Variants in CDKAL1 observed in about 807,000 individuals in gnomAD.
CDKAL1 encodes the protein threonylcarbamoyladenosine tRNA methylthiotransferase.
A neutral mutation model predicts 68.2 loss-of-function variants in CDKAL1; 32 were observed. That is an observed-to-expected ratio of 0.47 (90% CI 0.35 to 0.63). The LOEUF is 0.63. CDKAL1 is among the 30% of genes least tolerant of loss of function. CDKAL1 has a pLI of 0.00. For synonymous variants in CDKAL1, 234 were observed against 244.3 expected, an observed-to-expected ratio of 0.96 and a Z score of 0.39; for missense variants, 606 against 696.7, an observed-to-expected ratio of 0.87 and a Z score of 1.47.
At chr6:21,151,987 C>T (rs995661432) in intron 13 of CDKAL1, among the ~76,000 whole-genome samples, 5 of 152,170 alleles carry the variant, frequency 3.3e-5, no homozygotes, top group Non-Finnish European at 7.3e-5. Context: ...ATCCTTACTC[C>T]TACTGAGTAT....
intron 13 of CDKAL1, among the ~76,000 whole-genome samples, chr6:21,188,126 TA>T (rs1174353914): frequency 6.6e-6 from 1 of 152,244 alleles, no homozygotes; most frequent in Non-Finnish European, 1.5e-5. Context: ...CTTCATATTA[TA>T]TAACCTATAA....
At chr6:20,606,530 T>C (rs1264327813) in intron 4 of CDKAL1, among the ~76,000 whole-genome samples, 1 of 152,176 alleles carries the variant, frequency 6.6e-6, no homozygotes, top group Non-Finnish European at 1.5e-5. Context: ...ACCAAAAGAA[T>C]CATTTTTAAA....
At chr6:20,566,933 A>G (rs1261240925) in intron 4 of CDKAL1, among the ~76,000 whole-genome samples, 1 of 152,146 alleles carries the variant, frequency 6.6e-6, no homozygotes, top group Non-Finnish European at 1.5e-5. Flanking sequence ...CATCTTTATT[A>G]TCTTTCCTCA....
chr6:20,813,228 A>G (rs796704396), intron 8 of CDKAL1, among the ~76,000 whole-genome samples: 13 of 152,226 alleles, frequency 8.5e-5, no homozygotes, highest in African/African-American at 3.1e-4. Context: ...TTACACAGCC[A>G]TGGGCCATGG....
intron 12 of CDKAL1, among the ~76,000 whole-genome samples, chr6:21,073,149 G>GC (rs1293641075): frequency 6.6e-6 from 1 of 152,068 alleles, no homozygotes; most frequent in African/African-American, 2.4e-5. Flanking sequence ...TCTTTTCACG[G>GC]CCTGATAGCT....
chr6:20,683,218 G>A (rs1420219070), intron 5 of CDKAL1, among the ~76,000 whole-genome samples: 1 of 152,162 alleles, frequency 6.6e-6, no homozygotes, highest in Non-Finnish European at 1.5e-5. Flanking sequence ...GAGGAGTTAA[G>A]TATCTTGCCC....
intron 9 of CDKAL1, among the ~76,000 whole-genome samples, chr6:20,928,604 A>C (rs952752457): frequency 2.0e-5 from 3 of 152,088 alleles, no homozygotes; most frequent in Non-Finnish European, 4.4e-5. Flanking sequence ...CAAGTGACTA[A>C]TTTAAAGTAA....
At chr6:20,640,919 A>G (rs954173687) in intron 4 of CDKAL1, among the ~76,000 whole-genome samples, 14 of 152,202 alleles carry the variant, frequency 9.2e-5, no homozygotes, top group Admixed American at 2.6e-4. Context: ...TGACAGGCCA[A>G]GTTTATTGCT....
chr6:20,813,047 A>G (rs948979675), intron 8 of CDKAL1, among the ~76,000 whole-genome samples: 1 of 152,112 alleles, frequency 6.6e-6, no homozygotes, highest in African/African-American at 2.4e-5. Flanking sequence ...TGCAATTTTA[A>G]TTTGGATTTC....
At chr6:20,591,446 G>C (rs555693876) in intron 4 of CDKAL1, among the ~76,000 whole-genome samples, 59 of 152,202 alleles carry the variant, frequency 3.9e-4, no homozygotes, top group Non-Finnish European at 5.1e-4. Flanking sequence ...TGTCCTGAAT[G>C]GTATTGCCTA....
At chr6:20,683,061 CAAG>C (rs1334069236) in intron 5 of CDKAL1, among the ~76,000 whole-genome samples, 2 of 151,304 alleles carry the variant, frequency 1.3e-5, no homozygotes, top group African/African-American at 4.9e-5. Context: ...CTCCTGGGCT[CAAG>C]AAGTCCTCCA....
intron 13 of CDKAL1, among the ~76,000 whole-genome samples, chr6:21,109,138 A>G (rs1562038404): frequency 6.6e-6 from 1 of 152,210 alleles, no homozygotes; most frequent in Non-Finnish European, 1.5e-5. Flanking sequence ...ATATGTAGCC[A>G]TTTTTAAGAA....
At chr6:20,659,661 C>G (rs750743446) in intron 5 of CDKAL1, among the ~76,000 whole-genome samples, 1 of 152,180 alleles carries the variant, frequency 6.6e-6, no homozygotes, top group Non-Finnish European at 1.5e-5. Context: ...TATCTCCTTA[C>G]AGGCTCCAGC....
chr6:21,059,187 G>C (rs567502580), intron 11 of CDKAL1, among the ~76,000 whole-genome samples: 1 of 152,296 alleles, frequency 6.6e-6, no homozygotes, highest in South Asian at 2.1e-4. Flanking sequence ...AAGCAGTCTG[G>C]CCATGATCTG....
chr6:21,032,554 A>G (rs377701692), intron 11 of CDKAL1, among the ~76,000 whole-genome samples: 2 of 152,206 alleles, frequency 1.3e-5, no homozygotes, highest in Non-Finnish European at 2.9e-5. Context: ...AATGTGCTAC[A>G]TAACAATATT....
At chr6:20,904,265 G>A (rs1743063545) in intron 9 of CDKAL1, among the ~76,000 whole-genome samples, 1 of 152,148 alleles carries the variant, frequency 6.6e-6, no homozygotes, top group Admixed American at 6.5e-5. Context: ...GCTGGGCATG[G>A]TGGCTCATAC....
intron 15 of CDKAL1, among the ~76,000 whole-genome samples, chr6:21,214,500 G>C (rs1321568988): frequency 6.6e-6 from 1 of 151,802 alleles, no homozygotes; most frequent in Non-Finnish European, 1.5e-5. Flanking sequence ...CACGAGGTCT[G>C]CTCCCTCAGG....
chr6:20,833,615 G>GA lies in CDKAL1; in HGVS notation c.639-12454dup, dbSNP rs540699533. Among the ~76,000 whole-genome samples, 32 of 152,108 alleles carry GA rather than the reference G, an allele frequency of 2.1e-4. No individual in the cohort carries two copies. The East Asian group carries it at 5.2e-3, about 25-fold the overall frequency. ...TGGAGGAAGAACAGGATGATGCAAT[G>GA]AAAAAATCTCATCGTAAAAGGAAAA... On this transcript the variant is annotated intron_variant, in intron 8 of 15. Coordinates refer to ENST00000274695, the MANE Select transcript of CDKAL1 (RefSeq NM_017774.3).
intron 4 of CDKAL1, among the ~76,000 whole-genome samples, chr6:20,604,918 T>A (rs897709752): frequency 6.6e-6 from 1 of 152,240 alleles, no homozygotes; most frequent in African/African-American, 2.4e-5. Flanking sequence ...TGAGCTTTGC[T>A]GAGCTCTGGT....
Sources: allele counts gnomAD v4.1 joint callset (sites outside exome capture counted in the v4.1 genomes callset), GRCh38; gene constraint gnomAD v4.1.1; transcripts MANE v1.5; gene names NCBI Gene and HGNC (gene_info 2026-07-23, HGNC 2026-07-21).